AGBL4: variants seen among roughly 807,000 people sequenced by gnomAD.
AGBL4 encodes cytosolic carboxypeptidase 6.
In AGBL4, 58 loss-of-function variants were observed where a neutral mutation model predicts 66.4. The observed-to-expected ratio is 0.87, with a 90% CI of 0.71 to 1.09. AGBL4 has a LOEUF of 1.09. Ranked by LOEUF, AGBL4 falls within the 50% of genes least tolerant of loss-of-function variation. The pLI, the probability that AGBL4 is intolerant of heterozygous loss-of-function variation, is 0.00. For synonymous variants in AGBL4, 234 were observed against 222.9 expected (o/e 1.05, Z -0.44); for missense variants, 579 against 631.0 (o/e 0.92, Z 0.88).
intron 2 of AGBL4, among the ~76,000 whole-genome samples, chr1:49,846,791 A>G (rs1232549214): frequency 6.6e-6 from 1 of 152,220 alleles, no homozygotes; most frequent in Non-Finnish European, 1.5e-5. Flanking sequence ...ACATAAACAC[A>G]TGAAAAAACA....
intron 6 of AGBL4, among the ~76,000 whole-genome samples, chr1:48,686,272 G>A (rs1039278463): frequency 2.0e-5 from 3 of 152,130 alleles, no homozygotes; most frequent in African/African-American, 2.4e-5. Flanking sequence ...CACAGTCCAC[G>A]CATGGCTTAC....
At chr1:49,140,606 C>G (rs1646099472) in intron 4 of AGBL4, among the ~76,000 whole-genome samples, 1 of 152,206 alleles carries the variant, frequency 6.6e-6, no homozygotes, top group Non-Finnish European at 1.5e-5. Flanking sequence ...GTTCCAGGTA[C>G]ATGATTGGTG....
At chr1:49,492,390 T>C (rs866821791) in intron 3 of AGBL4, among the ~76,000 whole-genome samples, 1 of 151,918 alleles carries the variant, frequency 6.6e-6, no homozygotes, top group African/African-American at 2.4e-5. Context: ...TTAAAACTTA[T>C]GAATTGTTTA....
intron 3 of AGBL4, among the ~76,000 whole-genome samples, chr1:49,545,321 A>C (rs980569821): frequency 2.0e-5 from 3 of 152,204 alleles, no homozygotes; most frequent in Admixed American, 1.3e-4. Flanking sequence ...TGAGGCCCTC[A>C]GTCAAATAGT....
chr1:48,675,557 G>A (rs115634261), intron 6 of AGBL4, among the ~76,000 whole-genome samples: 310 of 152,286 alleles, frequency 2.0e-3, no homozygotes, highest in Non-Finnish European at 3.3e-3. Context: ...CCTCAATAAT[G>A]GATTTTAAAA....
chr1:48,591,165 G>A (rs12123370), intron 9 of AGBL4, among the ~76,000 whole-genome samples, 180 bp from the exon 10 acceptor site: 42,415 of 146,902 alleles, frequency 0.29, 6,374 homozygotes, highest in South Asian at 0.36. Flanking sequence ...GCAATGTGAG[G>A]GGAGGGTTTA....
At chr1:49,802,738 C>T (rs1644891963) in intron 2 of AGBL4, among the ~76,000 whole-genome samples, 2 of 152,030 alleles carry the variant, frequency 1.3e-5, no homozygotes. Context: ...AGGCGGTGAC[C>T]CCCCTGGACC....
chr1:48,655,690 G>A (rs1646009077), intron 7 of AGBL4, among the ~76,000 whole-genome samples: 1 of 152,212 alleles, frequency 6.6e-6, no homozygotes, highest in Non-Finnish European at 1.5e-5. Flanking sequence ...GCAGTGGGTA[G>A]TTAAAAACAG....
chr1:49,070,311 G>C (rs1644575036), intron 4 of AGBL4, among the ~76,000 whole-genome samples: 1 of 151,912 alleles, frequency 6.6e-6, no homozygotes, highest in Non-Finnish European at 1.5e-5. Context: ...TCTTGTGCCA[G>C]TTTTCAAAGG....
chr1:49,161,516 C>T (rs1646541899), intron 4 of AGBL4, among the ~76,000 whole-genome samples: 2 of 152,186 alleles, frequency 1.3e-5, no homozygotes, highest in Admixed American at 6.5e-5. Flanking sequence ...CAGCAATCTC[C>T]CAATGGCTAT....
intron 2 of AGBL4, among the ~76,000 whole-genome samples, chr1:49,751,142 G>C (rs762609637): frequency 6.6e-6 from 1 of 152,208 alleles, no homozygotes; most frequent in African/African-American, 2.4e-5. Context: ...GGAATGGTGA[G>C]AGAGGGCATC....
intron 1 of AGBL4, among the ~76,000 whole-genome samples, chr1:49,919,041 T>C (rs1407191583): frequency 2.6e-5 from 4 of 152,208 alleles, no homozygotes; most frequent in Non-Finnish European, 5.9e-5. Flanking sequence ...CATCCCTTCA[T>C]GCTAAAAAAC....
chr1:49,749,237 T>C (rs958708433), intron 2 of AGBL4, among the ~76,000 whole-genome samples: 3 of 152,162 alleles, frequency 2.0e-5, no homozygotes, highest in African/African-American at 7.2e-5. Context: ...GCTAGCCAGT[T>C]TTTGCAACAC....
At chr1:49,140,201 A>G (rs1646091605) in intron 4 of AGBL4, among the ~76,000 whole-genome samples, 2 of 152,214 alleles carry the variant, frequency 1.3e-5, no homozygotes, top group South Asian at 4.1e-4. Context: ...ATAATAATAA[A>G]ACAATAAAAG....
intron 3 of AGBL4, among the ~76,000 whole-genome samples, chr1:49,669,855 CAA>C (rs1646443109): frequency 2.0e-5 from 3 of 152,006 alleles, no homozygotes; most frequent in South Asian, 4.2e-4. Context: ...TGTCAGTCTT[CAA>C]AGTGTTTAAT....
chr1:49,776,368 A>G (rs972545851), intron 2 of AGBL4, among the ~76,000 whole-genome samples: 8 of 152,092 alleles, frequency 5.3e-5, no homozygotes, highest in African/African-American at 1.9e-4. Flanking sequence ...ACTTCTCAAA[A>G]TGTAAATAGG....
intron 6 of AGBL4, among the ~76,000 whole-genome samples, chr1:48,670,914 A>G (rs1216905310): frequency 6.6e-6 from 1 of 152,234 alleles, no homozygotes; most frequent in Non-Finnish European, 1.5e-5. Context: ...GAGAGGTACA[A>G]ATGAAATAGG....
intron 6 of AGBL4, among the ~76,000 whole-genome samples, chr1:48,674,949 C>T (rs1198001609): frequency 1.3e-5 from 2 of 152,146 alleles, no homozygotes; most frequent in African/African-American, 2.4e-5. Flanking sequence ...TCTTTCTGTC[C>T]CGCTTTTCCC....
intron 2 of AGBL4, among the ~76,000 whole-genome samples, chr1:49,810,227 G>C (rs912428942): frequency 6.6e-6 from 1 of 151,918 alleles, no homozygotes; most frequent in South Asian, 2.1e-4. Flanking sequence ...GAAGTCTGTG[G>C]GACTCCAGAG....
Sources: gnomAD v4.1 joint callset for allele counts (sites outside exome capture counted in the v4.1 genomes callset) on GRCh38, gnomAD v4.1.1 for gene constraint, MANE v1.5 for transcripts, NCBI Gene and HGNC (gene_info 2026-07-23, HGNC 2026-07-21) for gene names.